The following RTN4RL1 variants were observed in gnomAD, a reference collection of about 807,000 sequenced individuals.
The protein encoded by RTN4RL1 is reticulon-4 receptor-like 1.
In RTN4RL1, 7 loss-of-function variants were observed where a neutral mutation model predicts 25.6. The ratio of observed to expected loss-of-function variants is 0.27; its 90% CI spans 0.16 to 0.51. The LOEUF is 0.51. Ranked by LOEUF, RTN4RL1 falls within the 20% of genes least tolerant of loss-of-function variation. RTN4RL1 has a pLI of 0.97. For synonymous variants in RTN4RL1, 297 were observed against 288.2 expected (o/e 1.03, Z -0.31); for missense variants, 500 against 615.6 (o/e 0.81, Z 1.99).
chr17:1,974,921 T>G (rs970476511), intron 1 of RTN4RL1, among the ~76,000 whole-genome samples: 10 of 152,184 alleles, frequency 6.6e-5, no homozygotes, highest in African/African-American at 1.9e-4. Context: ...CTTTACTAGC[T>G]GGGAAGGAAC....
chr17:1,966,771 G>T (rs2151311782), intron 1 of RTN4RL1, among the ~76,000 whole-genome samples: 1 of 152,268 alleles, frequency 6.6e-6, no homozygotes, highest in South Asian at 2.1e-4. Flanking sequence ...GATGGGAATG[G>T]AGCCACTACT....
intron 1 of RTN4RL1, among the ~76,000 whole-genome samples, chr17:1,979,972 G>A (rs2066860255): frequency 6.6e-6 from 1 of 152,152 alleles, no homozygotes; most frequent in Non-Finnish European, 1.5e-5. Flanking sequence ...CCCAGGAGCT[G>A]AAGGCCCAGG....
At chr17:1,960,430 G>T (rs1026612210) in intron 1 of RTN4RL1, among the ~76,000 whole-genome samples, 1 of 152,106 alleles carries the variant, frequency 6.6e-6, no homozygotes, top group Non-Finnish European at 1.5e-5. Context: ...CCTCGTGAGC[G>T]GCCCCACCTC....
rs1354243297 is a variant in RTN4RL1, at chr17:1,936,344, C to T, written c.*152G>A. ...CTGTACACTTTGGGTTTATAATCCA[C>T]ATGGCAGGGTCCAGACGTCCAGACA... On this transcript the variant is annotated 3_prime_UTR_variant, in exon 2 of 2. Transcript: ENST00000331238. 1.4e-6 allele frequency: 2 copies of T among 1,429,142 alleles called. No homozygotes were observed. The highest frequency in any genetic ancestry group is 1.8e-6 in the Non-Finnish European group (2 of 1,097,918). 88.5% of individuals were successfully genotyped at this position (1,429,142 alleles called of 1,614,324 possible).
intron 1 of RTN4RL1, among the ~76,000 whole-genome samples, chr17:1,971,330 C>G (rs554177193): frequency 2.8e-4 from 43 of 152,276 alleles, no homozygotes; most frequent in Non-Finnish European, 4.4e-4. Flanking sequence ...CTGAGGCCTC[C>G]CCAGTCACGC....
rs1035688667 is a variant in RTN4RL1, at chr17:1,975,311, C to A, written c.14-37503G>T. Among the ~76,000 whole-genome samples the A allele has an allele frequency of 2.0e-5, 3 of 152,064 alleles. No homozygotes were observed. The South Asian group carries it at 6.2e-4, about 32-fold the overall frequency. On this transcript the variant is annotated intron_variant, in intron 1 of 1. Coordinates refer to ENST00000331238, the MANE Select transcript of RTN4RL1 (RefSeq NM_178568.4). ...CTTCCTTGGGGTAGTAAAAGGGTTT[C>A]AATGAAGATGTGAGCTGAGACTCTG...
chr17:2,024,937 G>A lies in RTN4RL1; in HGVS notation c.-72C>T, dbSNP rs536325834. 75 of 1,486,320 alleles carry A rather than the reference G, an allele frequency of 5.0e-5. No homozygotes were observed. Among genetic ancestry groups the A allele is most frequent in the Non-Finnish European group, 6.4e-5 (70 of 1,097,594 alleles). 92.1% of individuals were successfully genotyped at this position (1,486,320 alleles called of 1,614,324 possible). A position where few individuals can be genotyped will look rare whatever the true frequency, so the allele number is the denominator to read the frequency against. ...TCCCGGGGTCCAGATTCAAATCCCT[G>A]GGCGCCAGCTGCAGCTAATCCGAGC... On this transcript the variant is annotated 5_prime_UTR_variant, in exon 1 of 2. Transcript: ENST00000331238.
chr17:1,958,246 CAAGA>C, intron 1 of RTN4RL1, among the ~76,000 whole-genome samples: 1 of 152,174 alleles, frequency 6.6e-6, no homozygotes, highest in East Asian at 1.9e-4. Context: ...ATGGTGGAGT[CAAGA>C]TTCAAACAAG....
At chr17:1,999,875 C>T (rs2066949052) in intron 1 of RTN4RL1, among the ~76,000 whole-genome samples, 1 of 152,260 alleles carries the variant, frequency 6.6e-6, no homozygotes, top group Non-Finnish European at 1.5e-5. Flanking sequence ...CCTCTTCTCG[C>T]CTCTCCTCTC....
intron 1 of RTN4RL1, among the ~76,000 whole-genome samples, chr17:1,944,333 C>A (rs1468193336): frequency 2.0e-5 from 3 of 152,218 alleles, no homozygotes; most frequent in African/African-American, 7.2e-5. Flanking sequence ...GCCTCCCCCA[C>A]ATCTCCATCT....
chr17:1,972,903 TCTCTC>T (rs2066826711), intron 1 of RTN4RL1, among the ~76,000 whole-genome samples: 1 of 152,160 alleles, frequency 6.6e-6, no homozygotes, highest in South Asian at 2.1e-4. Flanking sequence ...GAGCTGGACT[TCTCTC>T]CTCTCTGCAG....
At position 1,992,967 on chromosome 17, in the gene RTN4RL1, G is replaced by A. The variant is rs191585588; in HGVS notation, c.13+31886C>T. On this transcript the variant is annotated intron_variant, in intron 1 of 1. Transcript: ENST00000331238. ...CAATGAAACTACAGGTGAGGGCCGG[G>A]CGCGGTGGCTCCCACCTGTCCTCCC... Among the ~76,000 whole-genome samples, 7 of 152,306 alleles carry A rather than the reference G, an allele frequency of 4.6e-5. No individual in the cohort carries two copies. The East Asian group carries it at 1.4e-3, about 29-fold the overall frequency.
At chr17:1,950,278 A>G (rs1012687515) in intron 1 of RTN4RL1, among the ~76,000 whole-genome samples, 1 of 152,094 alleles carries the variant, frequency 6.6e-6, no homozygotes, top group African/African-American at 2.4e-5. Flanking sequence ...GGGGCCCGAC[A>G]GGACACACTG....
rs2066937556 is a variant in RTN4RL1 at position 1,998,042 on chromosome 17, C to T, written c.13+26811G>A. 2.0e-5 allele frequency among the ~76,000 whole-genome samples: 3 copies of T among 152,148 alleles called. No homozygotes were observed. The highest frequency in any genetic ancestry group is 2.4e-5 in the African/African-American group (1 of 41,448). ...GTGCCGGGCGCCCCACCCCCACCCC[C>T]GCCTCCGCCCCAGGCCGCGATCGAT... On this transcript the variant is annotated intron_variant, in intron 1 of 1. Coordinates refer to ENST00000331238, the MANE Select transcript of RTN4RL1 (RefSeq NM_178568.4). The surrounding 1 kb of genome is among the most constrained non-coding windows in gnomAD (Gnocchi z 4.9).
intron 1 of RTN4RL1, among the ~76,000 whole-genome samples, chr17:1,974,382 C>T (rs2066833724): frequency 6.6e-6 from 1 of 152,222 alleles, no homozygotes; most frequent in African/African-American, 2.4e-5. Context: ...CAGAGCAAGA[C>T]TCTATCTCAA....
intron 1 of RTN4RL1, among the ~76,000 whole-genome samples, chr17:1,995,277 T>G (rs1208178646): frequency 2.0e-5 from 3 of 151,906 alleles, no homozygotes; most frequent in African/African-American, 7.3e-5. Context: ...AATACAAAAA[T>G]TAGCCGGGCA....
intron 1 of RTN4RL1, among the ~76,000 whole-genome samples, chr17:1,992,532 C>T (rs996841737): frequency 5.3e-5 from 8 of 152,196 alleles, no homozygotes; most frequent in African/African-American, 1.2e-4. Context: ...GTGCCTGGCA[C>T]GCAGTGACTG....
intron 1 of RTN4RL1, among the ~76,000 whole-genome samples, chr17:2,005,244 T>C (rs1031243222): frequency 9.2e-5 from 14 of 152,148 alleles, no homozygotes; most frequent in Admixed American, 8.5e-4. Flanking sequence ...TGGGCTCAAG[T>C]GATCCTCCTG....
intron 1 of RTN4RL1, among the ~76,000 whole-genome samples, chr17:1,963,040 C>T (rs554413041): frequency 1.3e-5 from 2 of 151,962 alleles, no homozygotes; most frequent in African/African-American, 2.4e-5. Flanking sequence ...TGGGCTCAAA[C>T]GATCCTCCTG....
Sources: allele counts gnomAD v4.1 joint callset (sites outside exome capture counted in the v4.1 genomes callset), GRCh38; gene constraint gnomAD v4.1.1; non-coding constraint Gnocchi (gnomAD v3.1); transcripts MANE v1.5; gene names NCBI Gene and HGNC (gene_info 2026-07-23, HGNC 2026-07-21).